Variants in OSBPL1A observed in about 807,000 individuals in gnomAD.
OSBPL1A encodes the protein oxysterol binding protein like 1A.
OSBPL1A carries 80 observed loss-of-function variants against 137.1 expected under a neutral mutation model. The ratio of observed to expected loss-of-function variants is 0.58; its 90% CI spans 0.49 to 0.70. The LOEUF (loss-of-function observed/expected upper bound fraction) is 0.70. Ranked by LOEUF, OSBPL1A falls within the 30% of genes least tolerant of loss-of-function variation. OSBPL1A has a pLI of 0.00. For synonymous variants in OSBPL1A, 365 were observed against 389.7 expected (o/e 0.94, Z 0.75); for missense variants, 970 against 1,129.4 (o/e 0.86, Z 2.02).
At chr18:24,368,142 AAAG>A (rs1430087605) in intron 3 of OSBPL1A, 142 bp downstream of exon 3, 13 of 498,098 alleles carry the variant, frequency 2.6e-5, no homozygotes, top group Middle Eastern at 5.6e-4. Context: ...TTTATTTAAT[AAAG>A]AACAATTAAG....
intron 18 of OSBPL1A, among the ~76,000 whole-genome samples, chr18:24,185,155 G>C (rs778716768): frequency 2.6e-5 from 4 of 152,076 alleles, no homozygotes; most frequent in Non-Finnish European, 5.9e-5. Context: ...CCAGGGTAAG[G>C]GGGAGGAATG....
chr18:24,230,796 A>T (rs1216265837), intron 16 of OSBPL1A, among the ~76,000 whole-genome samples: 1 of 152,212 alleles, frequency 6.6e-6, no homozygotes. Context: ...AAATAGCCCT[A>T]CATTATTTAC....
intron 2 of OSBPL1A, among the ~76,000 whole-genome samples, chr18:24,374,146 A>AT (rs1307063363): frequency 1.3e-5 from 2 of 152,092 alleles, no homozygotes; most frequent in African/African-American, 4.8e-5. Flanking sequence ...ACATTTTTTT[A>AT]TTTTTTAAAT....
At chr18:24,185,685 G>C (rs775848792) in intron 18 of OSBPL1A, among the ~76,000 whole-genome samples, 3 of 152,150 alleles carry the variant, frequency 2.0e-5, no homozygotes, top group Admixed American at 6.5e-5. Context: ...GGCTATGCAC[G>C]TGTGGGGCCA....
intron 2 of OSBPL1A, among the ~76,000 whole-genome samples, chr18:24,374,832 C>T (rs576944373): frequency 4.1e-4 from 62 of 152,218 alleles, no homozygotes; most frequent in African/African-American, 1.4e-3. Context: ...CTGAGTTTCA[C>T]GTCAGCTTCC....
chr18:24,383,441 C>CA (rs1372195164), intron 1 of OSBPL1A, among the ~76,000 whole-genome samples: 1 of 152,146 alleles, frequency 6.6e-6, no homozygotes, highest in East Asian at 1.9e-4. Flanking sequence ...AAGTTCTGTA[C>CA]AATAAATATG....
chr18:24,390,898 G>A (rs1466787613), intron 1 of OSBPL1A, among the ~76,000 whole-genome samples: 1 of 151,828 alleles, frequency 6.6e-6, no homozygotes, highest in South Asian at 2.1e-4. Flanking sequence ...TCAGGAGCTC[G>A]AGACCAGCCT....
intron 2 of OSBPL1A, among the ~76,000 whole-genome samples, chr18:24,370,935 G>A (rs1905578649): frequency 6.6e-6 from 1 of 152,036 alleles, no homozygotes; most frequent in Non-Finnish European, 1.5e-5. Flanking sequence ...TCCCAAAGTG[G>A]TGGGATTACA....
Position 24,377,440 on chromosome 18 carries a change from C to A in OSBPL1A, c.94G>T (p.Glu32Ter), listed in dbSNP as rs776020437. The change falls in exon 2 of 28, where the codon GAA (glutamate) becomes TAA (stop). Residue 32 changes from glutamate (E) to a stop codon, truncating the protein, a stop_gained. Coordinates refer to ENST00000319481, the MANE Select transcript of OSBPL1A (RefSeq NM_080597.4). LOFTEE classifies it high-confidence loss of function. ...RQLLETMARN[E>*]VIADINCKGR... ...TTGCAATTAATGTCAGCAATCACTT[C>A]ATTCCTCGCCATGGTCTCTAATAGT... 3.1e-6 allele frequency: 5 copies of A among 1,609,196 alleles called. No homozygotes were observed. The highest frequency in any genetic ancestry group is 4.2e-6 in the Non-Finnish European group (5 of 1,179,050).
chr18:24,294,248 T>C (rs2090248254), intron 14 of OSBPL1A, among the ~76,000 whole-genome samples: 1 of 151,832 alleles, frequency 6.6e-6, no homozygotes, highest in Non-Finnish European at 1.5e-5. Flanking sequence ...GGTGTTGTTA[T>C]TGAGATGGAG....
At chr18:24,344,572 G>A (rs1478150743) in intron 4 of OSBPL1A, among the ~76,000 whole-genome samples, 2 of 152,232 alleles carry the variant, frequency 1.3e-5, no homozygotes, top group Non-Finnish European at 2.9e-5. Context: ...CTCAAATATT[G>A]TGTAGGGAGC....
intron 4 of OSBPL1A, among the ~76,000 whole-genome samples, chr18:24,355,990 AAAAAAAAAAAGAAAAG>A (rs1460472064): frequency 0.015 from 2,290 of 150,726 alleles, 54 homozygotes; most frequent in African/African-American, 0.054. Context: ...TGTCTCAAAA[AAAAAAAAAAAGAAAAG>A]AAAAAAAAAG....
intron 7 of OSBPL1A, among the ~76,000 whole-genome samples, chr18:24,326,115 AC>A (rs1245788757): frequency 1.3e-5 from 2 of 152,204 alleles, no homozygotes; most frequent in Non-Finnish European, 2.9e-5. Flanking sequence ...AGAAAAAAAA[AC>A]ATACAGAATT....
chr18:24,175,102 G>GTATATATATATATA (rs2086390578), intron 21 of OSBPL1A, among the ~76,000 whole-genome samples: 1 of 83,638 alleles, frequency 1.2e-5, no homozygotes, highest in African/African-American at 7.4e-5. Flanking sequence ...TATTTGCCAT[G>GTATATATATATATA]TGTATGTATA....
intron 15 of OSBPL1A, among the ~76,000 whole-genome samples, chr18:24,277,209 C>T (rs1314257796): frequency 6.6e-6 from 1 of 151,198 alleles, no homozygotes; most frequent in Non-Finnish European, 1.5e-5. Context: ...TATTAAGGCA[C>T]AGAATAATTA....
chr18:24,297,761 T>C (rs1259134696), intron 14 of OSBPL1A, among the ~76,000 whole-genome samples: 3 of 152,226 alleles, frequency 2.0e-5, no homozygotes, highest in Non-Finnish European at 4.4e-5. Context: ...AGATATTTGA[T>C]ATTACTTCAA....
At chr18:24,193,215 G>T (rs1266488117) in intron 18 of OSBPL1A, among the ~76,000 whole-genome samples, 2 of 152,098 alleles carry the variant, frequency 1.3e-5, no homozygotes, top group South Asian at 4.1e-4. Context: ...GGCTGGGCGC[G>T]GTGGCTCATG....
chr18:24,187,931 C>A (rs539823855), intron 18 of OSBPL1A, among the ~76,000 whole-genome samples: 2 of 152,314 alleles, frequency 1.3e-5, no homozygotes, highest in African/African-American at 4.8e-5. Context: ...ACAGGCTATG[C>A]CATTTCTGGC....
In OSBPL1A at chr18:24,170,338, T is replaced by C. The variant is rs756784587; in HGVS notation, c.2407A>G (p.Asn803Asp). The C allele has an allele frequency of 6.2e-7, 1 of 1,613,744 alleles. No homozygotes were observed. The highest frequency in any genetic ancestry group is 8.5e-7 in the Non-Finnish European group (1 of 1,179,702). ...NDKKNTEEKKNSKQMSTSEEL... is the reference protein window; with the variant it reads ...NDKKNTEEKKDSKQMSTSEEL... ...TACAGGATGTTCACCTGTTTGCTGT[T>C]CTTCTTCTCTTCTGTATTTTTCTTA... is the stretch of plus-strand genomic sequence containing the variant. Residue 803 changes from asparagine (N) to aspartate (D), a missense_variant, in exon 24 of 28, where the codon AAC becomes GAC. This residue lies in a region of OSBPL1A where 323 missense variants were observed against 456.8 expected (regional missense o/e 0.71). Transcript: ENST00000319481.
Sources: gnomAD v4.1 joint callset for allele counts (sites outside exome capture counted in the v4.1 genomes callset) on GRCh38, gnomAD v4.1.1 for gene constraint, gnomAD v4.1.1 regional missense constraint, MANE v1.5 for transcripts, NCBI Gene and HGNC (gene_info 2026-07-23, HGNC 2026-07-21) for gene names.